Variants in BRINP3 observed in about 807,000 individuals in gnomAD.
The protein encoded by BRINP3 is BMP/retinoic acid-inducible neural-specific protein 3.
In BRINP3, 19 loss-of-function variants were observed where a neutral mutation model predicts 71.0. The observed-to-expected ratio is 0.27, with a 90% confidence interval of 0.19 to 0.39. BRINP3 has a LOEUF of 0.39. BRINP3 is among the 10% of genes least tolerant of loss of function. The pLI, the probability that BRINP3 is intolerant of heterozygous loss-of-function variation, is 1.00. For missense variants in BRINP3, 959 were observed against 940.8 expected (o/e 1.02, Z -0.25); for synonymous variants, 380 against 337.7 (o/e 1.13, Z -1.37).
chr1:190,317,984 A>G (rs1489615124), intron 2 of BRINP3, among the ~76,000 whole-genome samples: 1 of 152,128 alleles, frequency 6.6e-6, no homozygotes, highest in Non-Finnish European at 1.5e-5. Flanking sequence ...TGAGCACAAA[A>G]ACTAGCATTT....
intron 7 of BRINP3, among the ~76,000 whole-genome samples, chr1:190,110,926 A>G (rs1303747896): frequency 1.3e-5 from 2 of 152,134 alleles, no homozygotes; most frequent in Non-Finnish European, 2.9e-5. Context: ...GAACCAGAAT[A>G]CACTATTTTA....
At chr1:190,167,608 T>G (rs1411294391) in intron 6 of BRINP3, among the ~76,000 whole-genome samples, 1 of 152,180 alleles carries the variant, frequency 6.6e-6, no homozygotes, top group Non-Finnish European at 1.5e-5. Flanking sequence ...AAACAAGCTT[T>G]GACCCCAGGA....
At chr1:190,247,998 T>C (rs1199784497) in intron 4 of BRINP3, among the ~76,000 whole-genome samples, 5 of 151,896 alleles carry the variant, frequency 3.3e-5, no homozygotes, top group African/African-American at 1.2e-4. Flanking sequence ...AAAACAAAAG[T>C]AGCTCAATCC....
At chr1:190,181,425 T>C (rs72729144) in intron 6 of BRINP3, among the ~76,000 whole-genome samples, 12,106 of 152,074 alleles carry the variant, frequency 0.08, 567 homozygotes, top group East Asian at 0.11. Context: ...TGCCATTTTA[T>C]TTTTTTCTCT....
intron 4 of BRINP3, among the ~76,000 whole-genome samples, chr1:190,253,627 CT>C (rs1055278316): frequency 2.6e-5 from 4 of 151,792 alleles, no homozygotes; most frequent in Admixed American, 2.0e-4. Flanking sequence ...GGGTTGTTTG[CT>C]TTTTTTCTTG....
At position 190,368,467 on chromosome 1, in the gene BRINP3, C is replaced by T. The variant is rs539920556; in HGVS notation, c.236+86188G>A. Among the ~76,000 whole-genome samples, 8 of 149,594 alleles carry T rather than the reference C, an allele frequency of 5.3e-5. No individual in the cohort carries two copies. The East Asian group carries it at 8.0e-4, about 15-fold the overall frequency. Reference sequence around the variant, plus strand: ...GTGGTTAAGTTAAATATTAAAAGCCCGTGCCCTTATACAAAGGCTAGGATG... The same window carrying T: ...GTGGTTAAGTTAAATATTAAAAGCCTGTGCCCTTATACAAAGGCTAGGATG... On this transcript the variant is annotated intron_variant, in intron 2 of 7. Coordinates refer to ENST00000367462, the MANE Select transcript of BRINP3 (RefSeq NM_199051.3).
chr1:190,167,826 C>G (rs1019799901), intron 6 of BRINP3, among the ~76,000 whole-genome samples: 3 of 152,100 alleles, frequency 2.0e-5, no homozygotes, highest in Non-Finnish European at 4.4e-5. Context: ...TAAAAATATT[C>G]AAAGGGAAGG....
intron 6 of BRINP3, among the ~76,000 whole-genome samples, chr1:190,221,654 T>C (rs1459105327): frequency 6.6e-6 from 1 of 152,096 alleles, no homozygotes; most frequent in Non-Finnish European, 1.5e-5. Flanking sequence ...GACCCAACTA[T>C]ATGTTGCCTT....
At chr1:190,469,234 T>G (rs1196116325) in intron 1 of BRINP3, among the ~76,000 whole-genome samples, 1 of 151,124 alleles carries the variant, frequency 6.6e-6, no homozygotes, top group African/African-American at 2.4e-5. Flanking sequence ...TTCTTCCTCA[T>G]TATTGTTTGG....
chr1:190,250,179 G>A (rs1335825939), intron 4 of BRINP3, among the ~76,000 whole-genome samples: 1 of 151,776 alleles, frequency 6.6e-6, no homozygotes, highest in Non-Finnish European at 1.5e-5. Context: ...AGTGAGTTTT[G>A]ATCACTTAAA....
chr1:190,331,468 C>T (rs1222379921), intron 2 of BRINP3, among the ~76,000 whole-genome samples: 1 of 151,976 alleles, frequency 6.6e-6, no homozygotes, highest in Non-Finnish European at 1.5e-5. Context: ...GATTCTCATG[C>T]AGTGTATGGT....
chr1:190,244,205 T>C (rs1447902122), intron 4 of BRINP3, among the ~76,000 whole-genome samples: 1 of 152,074 alleles, frequency 6.6e-6, no homozygotes, highest in East Asian at 1.9e-4. Flanking sequence ...CCAAAATGGA[T>C]GGGGACTGTT....
intron 2 of BRINP3, among the ~76,000 whole-genome samples, chr1:190,365,313 C>A (rs1669410160): frequency 6.6e-6 from 1 of 151,798 alleles, no homozygotes; most frequent in South Asian, 2.1e-4. Context: ...TCCAGTCATC[C>A]ATCCATTCCG....
chr1:190,104,519 A>G (rs1162864989), intron 7 of BRINP3, among the ~76,000 whole-genome samples: 1 of 151,928 alleles, frequency 6.6e-6, no homozygotes, highest in Non-Finnish European at 1.5e-5. Context: ...TTCTCAGAAG[A>G]TGGAACATTT....
chr1:190,163,933 T>C (rs1290641430), intron 6 of BRINP3, among the ~76,000 whole-genome samples: 1 of 152,154 alleles, frequency 6.6e-6, no homozygotes, highest in East Asian at 1.9e-4. Context: ...CAATTTTATA[T>C]GCAAAACACA....
chr1:190,424,742 G>C (rs1056547998), intron 2 of BRINP3, among the ~76,000 whole-genome samples: 4 of 151,614 alleles, frequency 2.6e-5, no homozygotes, highest in Non-Finnish European at 5.9e-5. Flanking sequence ...AACAATTATA[G>C]AGAAGCTCTA....
intron 5 of BRINP3, among the ~76,000 whole-genome samples, chr1:190,233,271 C>T (rs752688296): frequency 6.6e-6 from 1 of 152,066 alleles, no homozygotes; most frequent in Non-Finnish European, 1.5e-5. Context: ...TAGCTCACTG[C>T]AACCTTGAAC....
At chr1:190,444,507 CTTTT>C (rs1478243746) in intron 2 of BRINP3, among the ~76,000 whole-genome samples, 1 of 151,114 alleles carries the variant, frequency 6.6e-6, no homozygotes, top group Non-Finnish European at 1.5e-5. Flanking sequence ...AAATAGTATG[CTTTT>C]TATTTATTTA....
chr1:190,385,257 G>T (rs1188478893), intron 2 of BRINP3, among the ~76,000 whole-genome samples: 1 of 152,060 alleles, frequency 6.6e-6, no homozygotes, highest in Non-Finnish European at 1.5e-5. Flanking sequence ...AAGAGCTTCT[G>T]CACAGCAAAA....
Sources: gnomAD v4.1 joint callset for allele counts (sites outside exome capture counted in the v4.1 genomes callset) on GRCh38, gnomAD v4.1.1 for gene constraint, MANE v1.5 for transcripts, NCBI Gene and HGNC (gene_info 2026-07-23, HGNC 2026-07-21) for gene names.